Variants in BRWD3 observed in about 807,000 individuals in gnomAD.
BRWD3 encodes bromodomain and WD repeat domain containing 3.
A neutral mutation model predicts 149.7 loss-of-function variants in BRWD3; 10 were observed. The ratio of observed to expected loss-of-function variants is 0.07; its 90% CI spans 0.04 to 0.11. The LOEUF (loss-of-function observed/expected upper bound fraction) is 0.11, where lower values mean the gene tolerates loss of function less well. Ranked by LOEUF, BRWD3 falls within the 10% of genes least tolerant of loss-of-function variation. The pLI is 1.00. For synonymous variants in BRWD3, 504 were observed against 456.7 expected (o/e 1.10, Z -1.32); for missense variants, 940 against 1,373.2 (o/e 0.68, Z 4.99).
intron 6 of BRWD3, among the ~76,000 whole-genome samples, chrX:80,790,193 CAAAAAAAAAAAAAA>C (rs10711199): frequency 2.8e-5 from 1 of 35,316 alleles, no homozygotes; most frequent in Admixed American, 4.6e-4. Flanking sequence ...GACTCTGTCT[CAAAAAAAAAAAAAA>C]AAAAAAAAAA....
intron 15 of BRWD3, among the ~76,000 whole-genome samples, chrX:80,724,322 T>C (rs2073189645): frequency 9.0e-6 from 1 of 111,485 alleles, no homozygotes; most frequent in African/African-American, 3.3e-5. Flanking sequence ...ATAAAGCATA[T>C]AAAAGTAAAC....
chrX:80,688,518 A>G (rs1298408280), intron 33 of BRWD3, among the ~76,000 whole-genome samples: 1 of 111,559 alleles, frequency 9.0e-6, no homozygotes, highest in Non-Finnish European at 1.9e-5. Flanking sequence ...TAGGTCTCAT[A>G]TAATATGCAT....
chrX:80,700,433 G>GAGATATATATATATATATATATATAT (rs1555966842), intron 24 of BRWD3, among the ~76,000 whole-genome samples: 1 of 55,633 alleles, frequency 1.8e-5, no homozygotes, highest in Non-Finnish European at 3.3e-5. Context: ...GAAAATATTT[G>GAGATATATATATATATATATATATAT]ATATATATAA....
At chrX:80,710,082 T>C (rs961358516) in intron 20 of BRWD3, 12 of 848,571 alleles carry the variant, frequency 1.4e-5, no homozygotes, top group Non-Finnish European at 2.1e-5. Context: ...CCATCGGAGC[T>C]TGCAGCTCAT....
intron 4 of BRWD3, among the ~76,000 whole-genome samples, chrX:80,803,543 A>T (rs2074323352): frequency 1.8e-5 from 2 of 112,115 alleles, no homozygotes; most frequent in South Asian, 7.3e-4. Context: ...TATTTCAGAG[A>T]GCGCGTGGTG....
intron 40 of BRWD3, among the ~76,000 whole-genome samples, chrX:80,680,892 T>C (rs948942618): frequency 9.2e-6 from 1 of 108,913 alleles, no homozygotes; most frequent in African/African-American, 3.3e-5. Flanking sequence ...CACTGTAGTC[T>C]CCTACTCCTG....
intron 6 of BRWD3, among the ~76,000 whole-genome samples, chrX:80,775,502 A>G (rs1162034868): frequency 2.7e-5 from 3 of 112,162 alleles, no homozygotes; most frequent in Non-Finnish European, 5.6e-5. Flanking sequence ...CTATGATTGT[A>G]AACAGAAATC....
chrX:80,789,526 C>G (rs1309366697), intron 6 of BRWD3, among the ~76,000 whole-genome samples: 1 of 111,402 alleles, frequency 9.0e-6, no homozygotes, highest in Admixed American at 9.5e-5. Context: ...CAGGCGCGTG[C>G]CACCACGCCC....
rs964837956 is a variant in BRWD3 at position 80,670,487 on chromosome X, C to T, written c.*6122G>A. On this transcript the variant is annotated 3_prime_UTR_variant, in exon 41 of 41. Coordinates refer to ENST00000373275, the MANE Select transcript of BRWD3 (RefSeq NM_153252.5). ...CTGGAGTGCAGTGGCATGATCACAGCTCACTGCAGCCTTGACCTCCCAGGC... is the reference window on the plus strand; with the variant it reads ...CTGGAGTGCAGTGGCATGATCACAGTTCACTGCAGCCTTGACCTCCCAGGC... 2.7e-5 allele frequency among the ~76,000 whole-genome samples: 3 copies of T among 110,614 alleles called. No individual in the cohort carries two copies. The highest frequency in any genetic ancestry group is 5.7e-5 in the Non-Finnish European group (3 of 52,904).
At position 80,703,563 on chromosome X, in the gene BRWD3, G is replaced by A. The variant is rs1397846246; in HGVS notation, c.2752C>T (p.Pro918Ser). ...TGAGGGGCAAACCATTCTTCATTAG[G>A]CTCACCTGCTATAGAAACCAGTCCT... The part of the protein sequence containing the change: ...KGGLVSIAGE[P>S]NEEWFAPQWI... The change falls in exon 24 of 41, where the codon CCT becomes TCT. Residue 918 changes from proline (P) to serine (S), a missense_variant. Physicochemically the swap from Pro to Ser is moderately conservative, Grantham distance 74. This residue lies in a region of BRWD3 where 158 missense variants were observed against 284.0 expected (regional missense o/e 0.56). Transcript: ENST00000373275. 8.3e-7 allele frequency: 1 copy of A among 1,204,657 alleles called. No homozygotes were observed. Among genetic ancestry groups the A allele is most frequent in the Non-Finnish European group, 1.1e-6 (1 of 891,298 alleles).
chrX:80,699,957 C>T lies in BRWD3; in HGVS notation c.2943G>A (p.Arg981=). The T allele has an allele frequency of 8.3e-7, 1 of 1,200,816 alleles. No individual in the cohort carries two copies. Among genetic ancestry groups the T allele is most frequent in the Non-Finnish European group, 1.1e-6 (1 of 887,039 alleles). Residue 981 remains arginine (R), a splice_region_variant and synonymous_variant, in exon 25 of 41, where the codon AGG becomes AGA. Coordinates refer to ENST00000373275, the MANE Select transcript of BRWD3 (RefSeq NM_153252.5). The part of the protein sequence containing the change: ...QKQPWNKMDL[R]EQEFVKIVGI... The stretch of plus-strand genomic sequence containing the variant: ...TAGCTTATGAATTTGGCAAACTTAC[C>T]CTGAGATCCATTTTGTTCCATGGCT...
intron 8 of BRWD3, among the ~76,000 whole-genome samples, chrX:80,737,083 A>C (rs1179038199): frequency 8.9e-6 from 1 of 111,839 alleles, no homozygotes; most frequent in Non-Finnish European, 1.9e-5. Flanking sequence ...GACAACAGAG[A>C]TGAATTCAAA....
intron 6 of BRWD3, among the ~76,000 whole-genome samples, chrX:80,761,599 G>A (rs966230503): frequency 1.5e-4 from 17 of 111,758 alleles, no homozygotes; most frequent in African/African-American, 5.5e-4. Context: ...GCCAAAAATT[G>A]TTAGGTACTG....
In BRWD3 at chrX:80,742,796, C is replaced by A. The variant is rs752784355; in HGVS notation, c.813+1236G>T. On this transcript the variant is annotated intron_variant, in intron 8 of 40. Transcript: ENST00000373275. ...CTTATCAGCTTAAGGAGATTTTGGG[C>A]TGAGACGATGGAGTTTTCTAAATAT... Among the ~76,000 whole-genome samples, 189 of 111,538 alleles carry A rather than the reference C, an allele frequency of 1.7e-3. 2 individuals are homozygous for A. Among genetic ancestry groups the A allele is most frequent in the Middle Eastern group, 4.6e-3 (1 of 218 alleles).
chrX:80,782,150 AAAACAG>A (rs2074063966), intron 6 of BRWD3, among the ~76,000 whole-genome samples: 1 of 111,810 alleles, frequency 8.9e-6, no homozygotes, highest in South Asian at 3.7e-4. Context: ...TACTGGCATA[AAAACAG>A]AAACATAGGC....
chrX:80,734,257 G>A, intron 10 of BRWD3, 39 bp from the exon 11 acceptor site: 1 of 954,684 alleles, frequency 1.0e-6, no homozygotes, highest in South Asian at 1.9e-5. Flanking sequence ...TAGTACCAAG[G>A]AACCTTAAAA....
In BRWD3 at chrX:80,707,420, A is replaced by G. The variant is rs752596914; in HGVS notation, c.2552+7T>C. ...AATTTTGACCAAATTAAAACCATTA[A>G]AACTACCTGGAAGAACTTTCACTTT... On this transcript the variant is annotated splice_region_variant and intron_variant, in intron 22 of 40. Coordinates refer to ENST00000373275, the MANE Select transcript of BRWD3 (RefSeq NM_153252.5). 4 of 1,204,117 alleles carry G rather than the reference A, an allele frequency of 3.3e-6. No homozygotes were observed. The highest frequency in any genetic ancestry group is 4.5e-6 in the Non-Finnish European group (4 of 888,535).
At chrX:80,692,892 T>C (rs1246830079) in intron 28 of BRWD3, 48 bp downstream of exon 28, 4 of 1,019,381 alleles carry the variant, frequency 3.9e-6, no homozygotes, top group South Asian at 1.9e-5. Context: ...AAAGTCCACA[T>C]ACTACTACAA....
intron 4 of BRWD3, among the ~76,000 whole-genome samples, chrX:80,806,049 G>T (rs1464431242): frequency 8.9e-6 from 1 of 111,973 alleles, no homozygotes; most frequent in Non-Finnish European, 1.9e-5. Flanking sequence ...AAATATTACT[G>T]ACAAACTTAG....
Sources: allele counts gnomAD v4.1 joint callset (sites outside exome capture counted in the v4.1 genomes callset), GRCh38; gene constraint gnomAD v4.1.1; regional missense constraint gnomAD v4.1.1; transcripts MANE v1.5; gene names NCBI Gene and HGNC (gene_info 2026-07-23, HGNC 2026-07-21).